Variants in ZNF236 observed in about 807,000 individuals in gnomAD.
ZNF236 encodes regulated by glucose.
ZNF236 carries 50 observed loss-of-function variants against 191.2 expected under a neutral mutation model. The observed-to-expected ratio is 0.26, with a 90% CI of 0.21 to 0.33. ZNF236 has a LOEUF of 0.33. ZNF236 is among the 10% of genes least tolerant of loss of function. The pLI is 1.00. For synonymous variants in ZNF236, 907 were observed against 928.8 expected, an observed-to-expected ratio of 0.98 and a Z score of 0.43; for missense variants, 1,754 against 2,374.5, an observed-to-expected ratio of 0.74 and a Z score of 5.43.
At chr18:76,872,245 C>T (rs1454846585) in intron 5 of ZNF236, among the ~76,000 whole-genome samples, 1 of 152,152 alleles carries the variant, frequency 6.6e-6, no homozygotes, top group African/African-American at 2.4e-5. Context: ...CTTTGGGAAG[C>T]TGAGGTGAGG....
intron 1 of ZNF236, among the ~76,000 whole-genome samples, chr18:76,823,908 C>G (rs917592756): frequency 6.6e-6 from 1 of 152,152 alleles, no homozygotes; most frequent in African/African-American, 2.4e-5. Flanking sequence ...CAGGCCTGGT[C>G]CCTGGTCCTG....
chr18:76,831,247 A>G (rs139682954), intron 1 of ZNF236, among the ~76,000 whole-genome samples: 162 of 152,202 alleles, frequency 1.1e-3, no homozygotes, highest in African/African-American at 3.5e-3. Context: ...AAGCACTGAT[A>G]TTTTTATTGT....
chr18:76,959,539 T>C (rs182137270), intron 28 of ZNF236, 148 bp from the exon 29 acceptor site: 2 of 917,244 alleles, frequency 2.2e-6, no homozygotes, highest in East Asian at 2.8e-5. Flanking sequence ...TACCGATGCA[T>C]TGAAGTCCTT....
chr18:76,851,145 TTCTC>T (rs1475299744), intron 2 of ZNF236, among the ~76,000 whole-genome samples: 1 of 140,062 alleles, frequency 7.1e-6, no homozygotes, highest in Admixed American at 7.4e-5. Context: ...ATATGTTTCT[TTCTC>T]TATGTGTTCA....
In ZNF236 at chr18:76,918,617, G is replaced by A. The variant is rs547166244; in HGVS notation, c.3275-1159G>A. Reference sequence around the variant, plus strand: ...TAAAAAAATTTTTTTTTGTAGAGACGGGGTCTTGCTCTGTTGCCTAGGAGG... The same window carrying A: ...TAAAAAAATTTTTTTTTGTAGAGACAGGGTCTTGCTCTGTTGCCTAGGAGG... On this transcript the variant is annotated intron_variant, in intron 19 of 30. Coordinates refer to ENST00000320610, the MANE Select transcript of ZNF236 (RefSeq NM_001306089.2). Among the ~76,000 whole-genome samples, 78 of 152,152 alleles carry A rather than the reference G, an allele frequency of 5.1e-4. 1 individual carries two copies. Among genetic ancestry groups the A allele is most frequent in the Middle Eastern group, 6.8e-3 (2 of 294 alleles).
At chr18:76,873,674 G>T (rs1568206419) in intron 5 of ZNF236, among the ~76,000 whole-genome samples, 1 of 152,206 alleles carries the variant, frequency 6.6e-6, no homozygotes, top group Non-Finnish European at 1.5e-5. Context: ...GTATGCCCCA[G>T]CAGGGCTCCT....
chr18:76,968,637 G>A lies in ZNF236; in HGVS notation c.*298G>A. Reference sequence around the variant, plus strand: ...TGTCTAGTTCACGAAGCAATTAACTGGGTCTTACTATCATTGTAGTGTGAT... The same window carrying A: ...TGTCTAGTTCACGAAGCAATTAACTAGGTCTTACTATCATTGTAGTGTGAT... On this transcript the variant is annotated 3_prime_UTR_variant, in exon 31 of 31. Transcript: ENST00000320610. 1 of 1,127,412 alleles carries A rather than the reference G, an allele frequency of 8.9e-7. No homozygotes were observed. Among genetic ancestry groups the A allele is most frequent in the Non-Finnish European group, 1.1e-6 (1 of 920,880 alleles). The allele number at this position is 1,127,412 out of a possible 1,614,324, so 69.8% of individuals were successfully genotyped here.
chr18:76,875,449 T>C lies in ZNF236; in HGVS notation c.668-43T>C, dbSNP rs775250718. 2 of 1,440,230 alleles carry C rather than the reference T, an allele frequency of 1.4e-6. No individual in the cohort carries two copies. The highest frequency in any genetic ancestry group is 2.5e-5 in the East Asian group (1 of 39,568). 89.2% of individuals were successfully genotyped at this position (1,440,230 alleles called of 1,614,324 possible). On this transcript the variant is annotated intron_variant, in intron 5 of 30. Coordinates refer to ENST00000320610, the MANE Select transcript of ZNF236 (RefSeq NM_001306089.2). The surrounding 1 kb of genome is among the most constrained non-coding windows in gnomAD (Gnocchi z 4.3). ...TTCTTTTCAATCCGTAAGATGCCCA[T>C]ACAATATGGAATTATATTTTGATCA...
intron 3 of ZNF236, among the ~76,000 whole-genome samples, chr18:76,855,799 G>A (rs1368367481): frequency 1.3e-5 from 2 of 152,128 alleles, no homozygotes; most frequent in Non-Finnish European, 2.9e-5. Context: ...AGAGGATGCT[G>A]CCGAACACCC....
chr18:76,954,390 A>G (rs1968475505), intron 27 of ZNF236, among the ~76,000 whole-genome samples: 1 of 152,216 alleles, frequency 6.6e-6, no homozygotes, highest in Non-Finnish European at 1.5e-5. Flanking sequence ...GATGGAGGAC[A>G]TTAGGTCGCT....
chr18:76,857,231 A>G (rs1976067477), intron 3 of ZNF236, among the ~76,000 whole-genome samples: 1 of 152,152 alleles, frequency 6.6e-6, no homozygotes, highest in Admixed American at 6.5e-5. Flanking sequence ...AGCGCCTGGC[A>G]GCACCAGCAT....
intron 26 of ZNF236, among the ~76,000 whole-genome samples, chr18:76,944,846 T>C (rs1441743706): frequency 1.3e-5 from 2 of 152,196 alleles, no homozygotes; most frequent in Admixed American, 6.5e-5. Context: ...ATAAATTACA[T>C]TGTATTCAAG....
At chr18:76,881,591 C>T (rs1017711130) in intron 9 of ZNF236, 79 bp downstream of exon 9, 7 of 1,232,730 alleles carry the variant, frequency 5.7e-6, no homozygotes, top group Admixed American at 2.3e-5. Context: ...CTTCTTTTTT[C>T]CTCTGAAGGT....
intron 25 of ZNF236, among the ~76,000 whole-genome samples, chr18:76,930,377 A>G (rs987951476): frequency 5.9e-5 from 9 of 152,310 alleles, no homozygotes; most frequent in African/African-American, 2.2e-4. Context: ...TTGACAGCAG[A>G]ATGTTTAAAG....
chr18:76,835,204 T>C (rs1055796254), intron 1 of ZNF236, among the ~76,000 whole-genome samples: 1 of 152,182 alleles, frequency 6.6e-6, no homozygotes, highest in South Asian at 2.1e-4. Context: ...GCAAAAGATG[T>C]GGCTAAATTT....
intron 3 of ZNF236, among the ~76,000 whole-genome samples, chr18:76,865,105 G>A (rs1976369495): frequency 6.6e-6 from 1 of 152,206 alleles, no homozygotes; most frequent in South Asian, 2.1e-4. Context: ...GGGAGGCCGA[G>A]GCGGGCAGAT....
In ZNF236 at chr18:76,834,970, T is replaced by C. The variant is rs547708604; in HGVS notation, c.55+12308T>C. On this transcript the variant is annotated intron_variant, in intron 1 of 30. Coordinates refer to ENST00000320610, the MANE Select transcript of ZNF236 (RefSeq NM_001306089.2). ...CGCTTCCGGTTCTGTACCTACATTT[T>C]ATTTTCTGTTTTTTTTTTTTTTTCT... 3.7e-4 allele frequency: 60 copies of C among 160,354 alleles called. 1 individual carries two copies. Among genetic ancestry groups the C allele is most frequent in the Admixed American group, 8.9e-4 (13 of 14,568 alleles). 9.9% of individuals were successfully genotyped at this position (160,354 alleles called of 1,614,324 possible). A position where few individuals can be genotyped will look rare whatever the true frequency, so the allele number is the denominator to read the frequency against.
intron 2 of ZNF236, 101 bp downstream of exon 2, chr18:76,849,769 A>G (rs1200089085): frequency 9.2e-7 from 1 of 1,089,614 alleles, no homozygotes; most frequent in African/African-American, 1.6e-5. Context: ...AGGTTCCTAA[A>G]TAGTAGAACA....
At chr18:76,829,069 C>T (rs967662893) in intron 1 of ZNF236, among the ~76,000 whole-genome samples, 6 of 152,194 alleles carry the variant, frequency 3.9e-5, no homozygotes, top group Non-Finnish European at 5.9e-5. Flanking sequence ...TCATGCAAAA[C>T]GAGCTTGGGA....
Sources: gnomAD v4.1 joint callset for allele counts (sites outside exome capture counted in the v4.1 genomes callset) on GRCh38, gnomAD v4.1.1 for gene constraint, Gnocchi (gnomAD v3.1) non-coding constraint, MANE v1.5 for transcripts, NCBI Gene and HGNC (gene_info 2026-07-23, HGNC 2026-07-21) for gene names.